The following SHISA5 variants were observed in gnomAD, a reference collection of about 807,000 sequenced individuals.
SHISA5 encodes shisa family member 5, also known as protein shisa-5.
SHISA5 carries 21 observed loss-of-function variants against 27.5 expected under a neutral mutation model. The observed-to-expected ratio is 0.76, with a 90% confidence interval of 0.54 to 1.10. The LOEUF (loss-of-function observed/expected upper bound fraction) is 1.10, where lower values mean the gene tolerates loss of function less well. Ranked by LOEUF, SHISA5 falls within the 50% of genes least tolerant of loss-of-function variation. SHISA5 has a pLI of 0.00. For missense variants in SHISA5, 314 were observed against 336.3 expected, an observed-to-expected ratio of 0.93 and a Z score of 0.52; for synonymous variants, 137 against 142.2, an observed-to-expected ratio of 0.96 and a Z score of 0.26.
intron 2 of SHISA5, among the ~76,000 whole-genome samples, chr3:48,497,009 C>A (rs1206366499): frequency 2.6e-5 from 4 of 151,766 alleles, no homozygotes; most frequent in Non-Finnish European, 2.9e-5. Flanking sequence ...GCGGGTGGAT[C>A]ACCTGAGGCC....
At chr3:48,477,162 T>C in intron 3 of SHISA5, 1 of 424,038 alleles carries the variant, frequency 2.4e-6, no homozygotes, top group South Asian at 1.7e-5. Context: ...AACTCCTTTT[T>C]TTTGTTGTTG....
Position 48,473,688 on chromosome 3 carries a change from CA to C in SHISA5, c.315-3846del, listed in dbSNP as rs17553073. ...ATGGCTCCTGTAGCTCTTGCGATTA[CA>C]AAGGAATTTGCTTTATAATTACATG... On this transcript the variant is annotated intron_variant, in intron 3 of 5. Transcript: ENST00000296444. The surrounding 1 kb of genome is among the most constrained non-coding windows in gnomAD (Gnocchi z 4.3). 291 of 805,636 alleles carry C rather than the reference CA, an allele frequency of 3.6e-4. 3 individuals are homozygous for C. The East Asian group carries it at 0.021, about 58-fold the overall frequency. The allele number at this position is 805,636 out of a possible 1,614,324, so 49.9% of individuals were successfully genotyped here. A position where few individuals can be genotyped will look rare whatever the true frequency, so the allele number is the denominator to read the frequency against.
At chr3:48,503,894 C>T (rs1419537483) in intron 1 of SHISA5, 125 bp downstream of exon 1, 18 of 1,313,030 alleles carry the variant, frequency 1.4e-5, no homozygotes, top group South Asian at 2.0e-5. Flanking sequence ...CTGACGGCCT[C>T]GGGGCAATCA....
At chr3:48,471,261 T>C (rs1308601088) in intron 3 of SHISA5, among the ~76,000 whole-genome samples, 1 of 152,020 alleles carries the variant, frequency 6.6e-6, no homozygotes, top group African/African-American at 2.4e-5. Flanking sequence ...CAATCTTCCC[T>C]CCTCGGCCTC....
chr3:48,484,959 C>T (rs1485291871), intron 2 of SHISA5, among the ~76,000 whole-genome samples: 1 of 152,032 alleles, frequency 6.6e-6, no homozygotes, highest in Non-Finnish European at 1.5e-5. Context: ...TTTGGGAGGC[C>T]GAGGCTAGAG....
In SHISA5 at chr3:48,473,314, A is replaced by AG. The variant is rs1007484257; in HGVS notation, c.315-3472dup. 7.2e-7 allele frequency: 1 copy of AG among 1,391,562 alleles called. No individual in the cohort carries two copies. Among genetic ancestry groups the AG allele is most frequent in the African/African-American group, 1.4e-5 (1 of 69,342 alleles). 86.2% of individuals were successfully genotyped at this position (1,391,562 alleles called of 1,614,324 possible). Reference sequence around the variant, plus strand: ...AGCTGCCTCCCTGAGCCAAGCCTACAGGGCCTGACCTCAGAATGCAGCCTG... The same window carrying AG: ...AGCTGCCTCCCTGAGCCAAGCCTACAGGGGCCTGACCTCAGAATGCAGCCTG... On this transcript the variant is annotated intron_variant, in intron 3 of 5. Coordinates refer to ENST00000296444, the MANE Select transcript of SHISA5 (RefSeq NM_016479.6). The surrounding 1 kb of genome is among the most constrained non-coding windows in gnomAD (Gnocchi z 4.3).
At chr3:48,480,765 T>C (rs565176582) in intron 2 of SHISA5, among the ~76,000 whole-genome samples, 1 of 151,946 alleles carries the variant, frequency 6.6e-6, no homozygotes, top group Non-Finnish European at 1.5e-5. Context: ...ATGTCAAAAA[T>C]AATAATAATT....
Position 48,473,680 on chromosome 3 carries a change from T to G in SHISA5, c.315-3837A>C. On this transcript the variant is annotated intron_variant, in intron 3 of 5. Coordinates refer to ENST00000296444, the MANE Select transcript of SHISA5 (RefSeq NM_016479.6). This position sits in a 1 kb window ranked among gnomAD's most constrained non-coding sequence, Gnocchi z 4.3. ...CGCCAGCTATGGCTCCTGTAGCTCT[T>G]GCGATTACAAAGGAATTTGCTTTAT... 9.6e-7 allele frequency: 1 copy of G among 1,044,114 alleles called. No homozygotes were observed. The highest frequency in any genetic ancestry group is 2.6e-4 in the Middle Eastern group (1 of 3,838). 64.7% of individuals were successfully genotyped at this position (1,044,114 alleles called of 1,614,324 possible). A position where few individuals can be genotyped will look rare whatever the true frequency, so the allele number is the denominator to read the frequency against.
At chr3:48,471,464 A>G (rs953676897) in intron 3 of SHISA5, among the ~76,000 whole-genome samples, 1 of 149,642 alleles carries the variant, frequency 6.7e-6, no homozygotes, top group African/African-American at 2.5e-5. Flanking sequence ...CTGAGGCAGG[A>G]GAATCGCTTG....
At chr3:48,503,661 T>G in intron 1 of SHISA5, 12 of 1,054,026 alleles carry the variant, frequency 1.1e-5, no homozygotes, top group East Asian at 6.0e-5. Flanking sequence ...AGGCCTCTGA[T>G]GGAGGGGCCA....
In SHISA5 at chr3:48,469,171, G is replaced by T. The variant is rs1380780901; in HGVS notation, c.659C>A (p.Pro220His). 3.7e-6 allele frequency: 6 copies of T among 1,612,306 alleles called. No individual in the cohort carries two copies. The African/African-American group carries it at 4.0e-5, about 11-fold the overall frequency. ...HETLAGGAAA[P>H]YPASQPPYNP... ...GTAAGGAGGCTGGCTGGCGGGGTAGGGCGCGGCTGCTCCTCCTGAAAGCAG... is the reference window on the plus strand; with the variant it reads ...GTAAGGAGGCTGGCTGGCGGGGTAGTGCGCGGCTGCTCCTCCTGAAAGCAG... Residue 220 changes from proline to histidine, a missense_variant, in exon 6 of 6, where the codon CCC becomes CAC. Coordinates refer to ENST00000296444, the MANE Select transcript of SHISA5 (RefSeq NM_016479.6). The surrounding 1 kb of genome is among the most constrained non-coding windows in gnomAD (Gnocchi z 4.6).
At chr3:48,477,583 ACTCCTCATCCATTCACGGCTAAAACT>A (rs978593483) in intron 3 of SHISA5, among the ~76,000 whole-genome samples, 10 of 151,828 alleles carry the variant, frequency 6.6e-5, no homozygotes, top group Non-Finnish European at 1.3e-4. Context: ...TGCCTGTCTT[ACTCCTCATCCATTCACGGCTAAAACT>A]CTCCAAGGAG....
intron 2 of SHISA5, among the ~76,000 whole-genome samples, chr3:48,485,162 A>G (rs2041158102): frequency 6.6e-6 from 1 of 151,942 alleles, no homozygotes; most frequent in Admixed American, 6.6e-5. Context: ...GGGACAGAGC[A>G]AGACTCAGTC....
intron 3 of SHISA5, chr3:48,477,087 C>G: frequency 2.3e-6 from 1 of 435,748 alleles, no homozygotes; most frequent in Non-Finnish European, 4.5e-6. Context: ...TGTCCCAGCT[C>G]AAATCTATAA....
At chr3:48,482,705 G>A (rs563993131) in intron 2 of SHISA5, among the ~76,000 whole-genome samples, 8 of 149,912 alleles carry the variant, frequency 5.3e-5, no homozygotes, top group Admixed American at 3.3e-4. Context: ...GTGCAATCTC[G>A]GCTCACTGCA....
At position 48,467,975 on chromosome 3, in the gene SHISA5, G is replaced by T; in HGVS notation, c.*1132C>A. On this transcript the variant is annotated 3_prime_UTR_variant, in exon 6 of 6. Coordinates refer to ENST00000296444, the MANE Select transcript of SHISA5 (RefSeq NM_016479.6). Reference sequence around the variant, plus strand: ...AGCTCTGGTGAAACAGTAATAGAGGGAGGAGGAACACGAGGTATTCATGTC... The same window carrying T: ...AGCTCTGGTGAAACAGTAATAGAGGTAGGAGGAACACGAGGTATTCATGTC... The T allele has an allele frequency of 3.7e-6, 1 of 273,550 alleles. No individual in the cohort carries two copies. Among genetic ancestry groups the T allele is most frequent in the Non-Finnish European group, 6.5e-6 (1 of 153,298 alleles). The allele number at this position is 273,550 out of a possible 1,614,324, so 16.9% of individuals were successfully genotyped here.
intron 3 of SHISA5, among the ~76,000 whole-genome samples, chr3:48,476,066 G>A (rs1409889857): frequency 1.3e-5 from 2 of 152,138 alleles, no homozygotes; most frequent in African/African-American, 2.4e-5. Flanking sequence ...AGCCCAGGTC[G>A]GGCACAGTGG....
At chr3:48,474,959 C>T (rs184310307) in intron 3 of SHISA5, among the ~76,000 whole-genome samples, 73 of 152,260 alleles carry the variant, frequency 4.8e-4, no homozygotes, top group African/African-American at 1.7e-3. Flanking sequence ...GAATTAAATT[C>T]CTTTCTACTT....
In SHISA5 at chr3:48,494,156, C is replaced by T. The variant is rs1005000127; in HGVS notation, c.233+6981G>A. On this transcript the variant is annotated intron_variant, in intron 2 of 5. Coordinates refer to ENST00000296444, the MANE Select transcript of SHISA5 (RefSeq NM_016479.6). ...AGTCTCCGGTTACCACCATTTTATT[C>T]TGTTTCTATGAGTTTGACTTTGACA... 4.7e-5 allele frequency among the ~76,000 whole-genome samples: 7 copies of T among 147,434 alleles called. 2 individuals carry two copies. Among genetic ancestry groups the T allele is most frequent in the Middle Eastern group, 7.0e-3 (2 of 286 alleles).
Sources: allele counts gnomAD v4.1 joint callset (sites outside exome capture counted in the v4.1 genomes callset), GRCh38; gene constraint gnomAD v4.1.1; non-coding constraint Gnocchi (gnomAD v3.1); transcripts MANE v1.5; gene names NCBI Gene and HGNC (gene_info 2026-07-23, HGNC 2026-07-21).